IL1RAPL1: variants seen among roughly 807,000 people sequenced by gnomAD.
IL1RAPL1 encodes interleukin-1 receptor accessory protein-like 1.
In IL1RAPL1, 3 loss-of-function variants were observed where a neutral mutation model predicts 48.4. The ratio of observed to expected loss-of-function variants is 0.06; its 90% CI spans 0.03 to 0.16. IL1RAPL1 has a LOEUF of 0.16. Among genes scored for constraint, IL1RAPL1 ranks in the 10% least tolerant of loss-of-function variants. The probability of loss-of-function intolerance (pLI) is 1.00; values close to 1 mark genes in which losing one functional copy is unlikely to be tolerated. For missense variants in IL1RAPL1, 349 were observed against 530.6 expected (o/e 0.66, Z 3.36); for synonymous variants, 185 against 187.7 (o/e 0.99, Z 0.12).
intron 2 of IL1RAPL1, among the ~76,000 whole-genome samples, chrX:28,943,207 A>C (rs1328317433): frequency 1.8e-5 from 2 of 109,484 alleles, no homozygotes; most frequent in Admixed American, 9.8e-5. Context: ...AAAAAAAAAA[A>C]AAAAAACTCA....
intron 2 of IL1RAPL1, among the ~76,000 whole-genome samples, chrX:29,224,751 T>G (rs1040164163): frequency 1.8e-5 from 2 of 112,374 alleles, no homozygotes; most frequent in African/African-American, 6.5e-5. Context: ...TAGGGAACTT[T>G]AAATGTCTTA....
intron 6 of IL1RAPL1, among the ~76,000 whole-genome samples, chrX:29,817,887 A>C (rs1382117689): frequency 8.9e-6 from 1 of 111,787 alleles, no homozygotes. Flanking sequence ...AGTCCCAGGC[A>C]TCATATCTAT....
chrX:29,826,416 G>C (rs780666433), intron 6 of IL1RAPL1, among the ~76,000 whole-genome samples: 1 of 111,707 alleles, frequency 9.0e-6, no homozygotes, highest in South Asian at 3.7e-4. Flanking sequence ...ACACCATAAA[G>C]TTTACTATTT....
At chrX:29,822,220 A>G (rs1930637683) in intron 6 of IL1RAPL1, among the ~76,000 whole-genome samples, 1 of 111,546 alleles carries the variant, frequency 9.0e-6, no homozygotes, top group African/African-American at 3.3e-5. Context: ...TTTAATTATT[A>G]CCGCCTCTAA....
chrX:29,774,642 G>A (rs888674593), intron 6 of IL1RAPL1, among the ~76,000 whole-genome samples: 2 of 111,578 alleles, frequency 1.8e-5, no homozygotes, highest in African/African-American at 6.5e-5. Flanking sequence ...AAATTTCAGT[G>A]TCAGAAACTT....
At chrX:29,342,244 G>A in intron 3 of IL1RAPL1, among the ~76,000 whole-genome samples, 2 of 110,681 alleles carry the variant, frequency 1.8e-5, no homozygotes, top group East Asian at 5.7e-4. Flanking sequence ...TAAAACCAAA[G>A]ACCAGAATAA....
intron 1 of IL1RAPL1, among the ~76,000 whole-genome samples, chrX:28,681,857 C>T (rs1410247129): frequency 8.9e-6 from 1 of 111,761 alleles, no homozygotes; most frequent in Non-Finnish European, 1.9e-5. Context: ...GCCTTGAATA[C>T]ATTTGTAGTG....
chrX:28,886,299 T>C (rs1922628035), intron 2 of IL1RAPL1, among the ~76,000 whole-genome samples: 1 of 109,663 alleles, frequency 9.1e-6, no homozygotes, highest in African/African-American at 3.3e-5. Flanking sequence ...TGTATCACTC[T>C]GTAAAGTAAC....
chrX:29,555,090 A>G (rs1038518416), intron 5 of IL1RAPL1, among the ~76,000 whole-genome samples: 3 of 112,867 alleles, frequency 2.7e-5, no homozygotes, highest in Non-Finnish European at 5.6e-5. Flanking sequence ...ACCACCTGTT[A>G]TATTTGAATA....
intron 2 of IL1RAPL1, among the ~76,000 whole-genome samples, chrX:28,834,659 C>T (rs1330517475): frequency 1.8e-5 from 2 of 111,408 alleles, no homozygotes; most frequent in South Asian, 3.7e-4. Flanking sequence ...GAGCTGGGCT[C>T]TTGCATAAGT....
Position 29,521,374 on chromosome X carries a change from A to G in IL1RAPL1, c.703+122066A>G, listed in dbSNP as rs771195519. On this transcript the variant is annotated intron_variant, in intron 5 of 10. Coordinates refer to ENST00000378993, the MANE Select transcript of IL1RAPL1 (RefSeq NM_014271.4). ...ATTCCCCCATCCCCCTTTCACACCA[A>G]TGTGATTGTATGCCTTAATTGGTTC... Among the ~76,000 whole-genome samples the G allele has an allele frequency of 2.7e-5, 3 of 111,547 alleles. No individual in the cohort carries two copies. In the South Asian group the frequency reaches 1.1e-3, roughly 42 times the overall value.
chrX:29,325,996 T>C (rs1932839900), intron 3 of IL1RAPL1, among the ~76,000 whole-genome samples: 1 of 111,665 alleles, frequency 9.0e-6, no homozygotes, highest in Non-Finnish European at 1.9e-5. Flanking sequence ...GAGGGATCTG[T>C]TTCCATGACA....
intron 5 of IL1RAPL1, among the ~76,000 whole-genome samples, chrX:29,538,244 T>G (rs1278272244): frequency 1.8e-5 from 2 of 109,609 alleles, no homozygotes; most frequent in African/African-American, 6.6e-5. Flanking sequence ...AGTACAACTT[T>G]GTATAAAGTC....
chrX:28,818,345 C>T, intron 2 of IL1RAPL1, among the ~76,000 whole-genome samples: 1 of 110,126 alleles, frequency 9.1e-6, no homozygotes, highest in Non-Finnish European at 1.9e-5. Flanking sequence ...GGTAGGTGAC[C>T]TTGAATTTGT....
intron 2 of IL1RAPL1, chrX:28,982,925 G>A (rs896291654): frequency 3.6e-5 from 4 of 111,529 alleles, no homozygotes; most frequent in African/African-American, 1.3e-4. Flanking sequence ...CTTAGCTTCT[G>A]AGATCAGATG....
At chrX:28,809,025 G>C (rs1936761785) in intron 2 of IL1RAPL1, among the ~76,000 whole-genome samples, 1 of 110,169 alleles carries the variant, frequency 9.1e-6, no homozygotes, top group African/African-American at 3.3e-5. Context: ...ATCTATTTTT[G>C]GTCGGGTTGT....
intron 2 of IL1RAPL1, among the ~76,000 whole-genome samples, chrX:29,129,201 G>A (rs1198654903): frequency 9.1e-6 from 1 of 109,701 alleles, no homozygotes; most frequent in African/African-American, 3.3e-5. Context: ...GTGCCACCAC[G>A]CCTGGCTAAT....
intron 5 of IL1RAPL1, among the ~76,000 whole-genome samples, chrX:29,588,792 A>G (rs1298148184): frequency 6.2e-5 from 7 of 112,223 alleles, no homozygotes. Flanking sequence ...GATGTCTGGT[A>G]AGTTATATTA....
rs144767310 is a variant in IL1RAPL1 at position 29,702,536 on chromosome X, C to T, written c.778+34032C>T. On this transcript the variant is annotated intron_variant, in intron 6 of 10. Coordinates refer to ENST00000378993, the MANE Select transcript of IL1RAPL1 (RefSeq NM_014271.4). ...GTTCCTAAGTGTGGATATGACAGGG[C>T]GGGGAAGCTGGTGGTCTAGGTGACC... 9.1e-3 allele frequency among the ~76,000 whole-genome samples: 1,018 copies of T among 111,913 alleles called. 15 individuals carry two copies. Among genetic ancestry groups the T allele is most frequent in the African/African-American group, 0.032 (972 of 30,761 alleles).
Sources: allele counts gnomAD v4.1 joint callset (sites outside exome capture counted in the v4.1 genomes callset), GRCh38; gene constraint gnomAD v4.1.1; transcripts MANE v1.5; gene names NCBI Gene and HGNC (gene_info 2026-07-23, HGNC 2026-07-21).